Variants in ABLIM1 observed in about 807,000 individuals in gnomAD.
ABLIM1 encodes actin-binding LIM protein 1.
ABLIM1 carries 40 observed loss-of-function variants against 107.0 expected under a neutral mutation model. The ratio of observed to expected loss-of-function variants is 0.37; its 90% CI spans 0.29 to 0.49. The LOEUF (loss-of-function observed/expected upper bound fraction) is 0.49. Ranked by LOEUF, ABLIM1 falls within the 20% of genes least tolerant of loss-of-function variation. The pLI, the probability that ABLIM1 is intolerant of heterozygous loss-of-function variation, is 0.97. For synonymous variants in ABLIM1, 357 were observed against 357.3 expected (o/e 1.00, Z 0.01); for missense variants, 857 against 1,008.5 (o/e 0.85, Z 2.04).
intron 8 of ABLIM1, among the ~76,000 whole-genome samples, chr10:114,483,508 C>T (rs911874357): frequency 5.9e-5 from 9 of 152,124 alleles, no homozygotes; most frequent in Middle Eastern, 3.2e-3. Context: ...AACTCCTGGG[C>T]TCTAGTGATC....
chr10:114,751,781 C>G (rs1002747820), intron 1 of ABLIM1, among the ~76,000 whole-genome samples: 7 of 150,502 alleles, frequency 4.7e-5, no homozygotes, highest in African/African-American at 1.7e-4. Context: ...AAAAAAAAGG[C>G]GTACAACAAA....
chr10:114,518,096 T>C (rs962089727), intron 6 of ABLIM1, among the ~76,000 whole-genome samples: 11 of 152,118 alleles, frequency 7.2e-5, no homozygotes, highest in Admixed American at 3.3e-4. Flanking sequence ...GTGAAGGAAA[T>C]TGTAGAACAA....
In ABLIM1 at chr10:114,575,570, A is replaced by G. The variant is rs367711981; in HGVS notation, c.409T>C (p.Phe137Leu). 3.1e-6 allele frequency: 5 copies of G among 1,614,082 alleles called. No homozygotes were observed. The highest frequency in any genetic ancestry group is 4.2e-6 in the Non-Finnish European group (5 of 1,179,966). ...VCGCDLAQGG[F>L]FIKNGEYLCT... ...AGATACTCTCCGTTCTTTATGAAGAAGCCCCCTTGTGCCAGGTCACAGCCA... is the reference window on the plus strand; with the variant it reads ...AGATACTCTCCGTTCTTTATGAAGAGGCCCCCTTGTGCCAGGTCACAGCCA... Residue 137 changes from phenylalanine (F) to leucine (L), a missense_variant, in exon 3 of 23, where the codon TTC becomes CTC. By Grantham distance (22) the Phe-to-Leu change is conservative. Transcript: ENST00000533213.
chr10:114,580,205 T>TTATATATTATATATTATATA (rs560754012), intron 2 of ABLIM1, among the ~76,000 whole-genome samples: 8 of 144,880 alleles, frequency 5.5e-5, no homozygotes, highest in African/African-American at 1.8e-4. Flanking sequence ...ATATTATATA[T>TTATATATTATATATTATATA]TATATATATA....
chr10:114,569,225 C>A lies in ABLIM1; in HGVS notation c.673+2072G>T, dbSNP rs115420869. Among the ~76,000 whole-genome samples, 688 of 152,286 alleles carry A rather than the reference C, an allele frequency of 4.5e-3. 4 individuals carry two copies. The highest frequency in any genetic ancestry group is 0.016 in the African/African-American group (660 of 41,552). ...AAAGGACTTCACAATGAGGACACAG[C>A]CATTCCCATGATGGGCCTTGTGGAC... On this transcript the variant is annotated intron_variant, in intron 4 of 22. Transcript: ENST00000533213.
At chr10:114,461,762 T>C (rs1490540293) in intron 12 of ABLIM1, among the ~76,000 whole-genome samples, 2 of 152,066 alleles carry the variant, frequency 1.3e-5, no homozygotes, top group Non-Finnish European at 2.9e-5. Flanking sequence ...GAGGTTGCAG[T>C]GAGCCAAGTT....
At chr10:114,465,537 A>G in intron 12 of ABLIM1, 161 bp downstream of exon 12, 1 of 743,540 alleles carries the variant, frequency 1.3e-6, no homozygotes. Context: ...TCAAGAAAAG[A>G]TAGAGCATAA....
At chr10:114,754,298 CT>C (rs1265278699) in intron 1 of ABLIM1, among the ~76,000 whole-genome samples, 1 of 152,212 alleles carries the variant, frequency 6.6e-6, no homozygotes, top group Non-Finnish European at 1.5e-5. Flanking sequence ...AATCTTTCTA[CT>C]CCAGCAAACC....
chr10:114,547,991 C>CCT (rs2067578862), intron 4 of ABLIM1, among the ~76,000 whole-genome samples: 1 of 152,190 alleles, frequency 6.6e-6, no homozygotes, highest in Non-Finnish European at 1.5e-5. Flanking sequence ...GCTTCATGAA[C>CCT]CTCCGTGGAT....
intron 2 of ABLIM1, among the ~76,000 whole-genome samples, chr10:114,580,413 A>G (rs1274690622): frequency 3.3e-5 from 5 of 151,984 alleles, no homozygotes; most frequent in East Asian, 1.9e-4. Flanking sequence ...GTTTCTTGCT[A>G]TATTACACAG....
At position 114,749,483 on chromosome 10, in the gene ABLIM1, C is replaced by CACACAT. The variant is rs540676948; in HGVS notation, c.-213+18577_-213+18578insATGTGT. Among the ~76,000 whole-genome samples the CACACAT allele has an allele frequency of 5.3e-4, 80 of 150,700 alleles. 1 individual carries two copies. Among genetic ancestry groups the CACACAT allele is most frequent in the South Asian group, 1.0e-3 (5 of 4,770 alleles). Reference sequence around the variant, plus strand: ...ACACACACACACACACACACACACACACCACAAAACCCAGAGATCACCAAA... The same window carrying CACACAT: ...ACACACACACACACACACACACACACACACATACCACAAAACCCAGAGATCACCAAA... On this transcript the variant is annotated intron_variant, in intron 1 of 15. Coordinates refer to the ABLIM1 transcript ENST00000651092.
At chr10:114,477,619 G>C (rs984751524) in intron 8 of ABLIM1, among the ~76,000 whole-genome samples, 2 of 152,192 alleles carry the variant, frequency 1.3e-5, no homozygotes, top group East Asian at 3.8e-4. Flanking sequence ...AACAACGCAC[G>C]CACATGTAGG....
Position 114,748,959 on chromosome 10 carries a change from C to A in ABLIM1, c.-213+19102G>T, listed in dbSNP as rs1160033351. The stretch of plus-strand genomic sequence containing the variant: ...AAGTGCTGGGATTATAGCCATGAGC[C>A]ATCTCACCCAGCAAGCGGCTGAGAT... On this transcript the variant is annotated intron_variant, in intron 1 of 15. Transcript: ENST00000651092. 2.0e-5 allele frequency among the ~76,000 whole-genome samples: 3 copies of A among 152,164 alleles called. No individual in the cohort carries two copies. In the East Asian group the frequency reaches 5.8e-4, roughly 29 times the overall value.
intron 1 of ABLIM1, among the ~76,000 whole-genome samples, chr10:114,752,227 C>T (rs1566304016): frequency 1.3e-5 from 2 of 152,050 alleles, no homozygotes; most frequent in South Asian, 2.1e-4. Context: ...ATGGAGGTCC[C>T]GGAGGGCACT....
At chr10:114,668,521 A>G (rs2080118766) in intron 1 of ABLIM1, among the ~76,000 whole-genome samples, 1 of 152,134 alleles carries the variant, frequency 6.6e-6, no homozygotes, top group Non-Finnish European at 1.5e-5. Flanking sequence ...TTAGTTTTTA[A>G]GAGATGGGGT....
intron 1 of ABLIM1, among the ~76,000 whole-genome samples, chr10:114,615,149 A>AAAGGG (rs2077050560): frequency 6.6e-6 from 1 of 152,202 alleles, no homozygotes; most frequent in Non-Finnish European, 1.5e-5. Flanking sequence ...TTTGCCATGC[A>AAAGGG]ACAACCAGAA....
At chr10:114,622,804 G>A (rs145281977) in intron 1 of ABLIM1, among the ~76,000 whole-genome samples, 9 of 152,136 alleles carry the variant, frequency 5.9e-5, no homozygotes, top group Non-Finnish European at 1.2e-4. Context: ...GAGGATAAAG[G>A]CCTTTATGAT....
intron 1 of ABLIM1, among the ~76,000 whole-genome samples, chr10:114,639,792 C>T (rs1339020083): frequency 6.6e-6 from 1 of 152,216 alleles, no homozygotes; most frequent in Non-Finnish European, 1.5e-5. Context: ...GCGGAGCACA[C>T]ATGTGAACAG....
chr10:114,777,787 C>T, the ABLIM1 span, among the ~76,000 whole-genome samples: 2 of 152,202 alleles, frequency 1.3e-5, no homozygotes, highest in African/African-American at 2.4e-5. Flanking sequence ...CAAAAATCCC[C>T]AGGGAGGAAA....
Sources: gnomAD v4.1 joint callset for allele counts (sites outside exome capture counted in the v4.1 genomes callset) on GRCh38, gnomAD v4.1.1 for gene constraint, MANE v1.5 for transcripts, NCBI Gene and HGNC (gene_info 2026-07-23, HGNC 2026-07-21) for gene names.